The following UGP2 variants were observed in gnomAD, a reference collection of about 807,000 sequenced individuals.
The protein encoded by UGP2 is UDP-glucose pyrophosphorylase 2.
In UGP2, 40 loss-of-function variants were observed where a neutral mutation model predicts 49.0. The observed-to-expected ratio is 0.82, with a 90% CI of 0.63 to 1.06. UGP2 has a LOEUF of 1.06. UGP2 is among the 50% of genes least tolerant of loss of function. The pLI, the probability that UGP2 is intolerant of heterozygous loss-of-function variation, is 0.00. For missense variants in UGP2, 460 were observed against 603.5 expected (o/e 0.76, Z 2.49); for synonymous variants, 225 against 213.0 (o/e 1.06, Z -0.49).
At chr2:63,868,253 G>C (rs2104312446) in intron 3 of UGP2, among the ~76,000 whole-genome samples, 1 of 152,338 alleles carries the variant, frequency 6.6e-6, no homozygotes, top group South Asian at 2.1e-4. Context: ...AGTGGGCCAA[G>C]GAGGCTTTGC....
intron 1 of UGP2, among the ~76,000 whole-genome samples, chr2:63,848,956 A>G (rs1359274307): frequency 2.0e-5 from 3 of 152,216 alleles, no homozygotes; most frequent in African/African-American, 4.8e-5. Flanking sequence ...AACAAATGAA[A>G]TCGATTGTGC....
In UGP2 at chr2:63,884,101, G is replaced by T; in HGVS notation, c.575+8G>T. The T allele has an allele frequency of 1.2e-6, 2 of 1,611,136 alleles. No homozygotes were observed. The highest frequency in any genetic ancestry group is 2.2e-5 in the South Asian group (2 of 90,398). ...CACTTTCAATCAAAGCAGGTACAATGAGTAAAAAATTAACTCTGGGTATGT... is the reference window on the plus strand; with the variant it reads ...CACTTTCAATCAAAGCAGGTACAATTAGTAAAAAATTAACTCTGGGTATGT... On this transcript the variant is annotated splice_region_variant and intron_variant, in intron 5 of 9. Transcript: ENST00000337130.
chr2:63,871,855 A>G (rs1670576950), intron 3 of UGP2, among the ~76,000 whole-genome samples: 1 of 152,216 alleles, frequency 6.6e-6, no homozygotes, highest in Non-Finnish European at 1.5e-5. Flanking sequence ...TGGTTTGAAA[A>G]GGGAGAAATA....
rs543701678 is a variant in UGP2, at chr2:63,842,454, C to G, written c.19+250C>G. The G allele has an allele frequency of 8.4e-5, 130 of 1,546,400 alleles. 1 individual carries two copies. In the African/African-American group the frequency reaches 1.7e-3, roughly 20 times the overall value. ...TGAAATCAGGTTAGTAGTACCGTCG[C>G]TTTCCTGGATAGTGGCTGTAAGTGA... On this transcript the variant is annotated intron_variant, in intron 1 of 9. Transcript: ENST00000337130.
intron 1 of UGP2, chr2:63,855,370 T>C (rs781580812): frequency 1.5e-5 from 7 of 457,752 alleles, no homozygotes; most frequent in Non-Finnish European, 2.6e-5. Flanking sequence ...AATCAAATAC[T>C]AAGGATAGAA....
intron 1 of UGP2, among the ~76,000 whole-genome samples, chr2:63,855,246 G>C (rs1669311458): frequency 6.6e-6 from 1 of 152,160 alleles, no homozygotes; most frequent in East Asian, 1.9e-4. Context: ...AGGGGAAAGA[G>C]TTTTTAGCCT....
chr2:63,860,137 A>T (rs944314118), intron 3 of UGP2, among the ~76,000 whole-genome samples: 8 of 152,084 alleles, frequency 5.3e-5, no homozygotes, highest in Non-Finnish European at 8.8e-5. Context: ...GTCTTTTTTT[A>T]AAAAAAATGC....
rs1306500683 is a variant in UGP2, at chr2:63,891,401, A to ATACTT, written c.*176_*180dup. 26 of 434,720 alleles carry ATACTT rather than the reference A, an allele frequency of 6.0e-5. No homozygotes were observed. The highest frequency in any genetic ancestry group is 1.0e-4 in the Non-Finnish European group (25 of 250,588). 26.9% of individuals were successfully genotyped at this position (434,720 alleles called of 1,614,324 possible). ...GTCTAAGAAAAGCACAGATGGAGCA[A>ATACTT]TACTTTCCTTCTTTGAAGAGAATCC... On this transcript the variant is annotated 3_prime_UTR_variant, in exon 10 of 10. Transcript: ENST00000337130.
intron 5 of UGP2, among the ~76,000 whole-genome samples, chr2:63,884,993 C>CTTTTTTTTTTTTT (rs528966512): frequency 1.7e-4 from 4 of 23,152 alleles, no homozygotes; most frequent in Non-Finnish European, 2.3e-4. Flanking sequence ...CCCATGGTTA[C>CTTTTTTTTTTTTT]TTTTTTTTTT....
chr2:63,880,322 C>G (rs913725513), intron 3 of UGP2, among the ~76,000 whole-genome samples: 1 of 152,026 alleles, frequency 6.6e-6, no homozygotes, highest in Non-Finnish European at 1.5e-5. Flanking sequence ...TACAGGCATG[C>G]ACCACCATGC....
At chr2:63,844,354 A>C (rs575217866) in intron 1 of UGP2, among the ~76,000 whole-genome samples, 1 of 152,306 alleles carries the variant, frequency 6.6e-6, no homozygotes, top group African/African-American at 2.4e-5. Context: ...GCTGCAGAAA[A>C]TATTGATATT....
At chr2:63,865,585 C>T (rs2104305291) in intron 3 of UGP2, among the ~76,000 whole-genome samples, 1 of 144,560 alleles carries the variant, frequency 6.9e-6, no homozygotes, top group African/African-American at 2.6e-5. Context: ...GTTGCCCAGG[C>T]TGAAGTGCAG....
At chr2:63,886,641 G>T (rs1491003374) in intron 7 of UGP2, 103 bp downstream of exon 7, 1 of 1,327,220 alleles carries the variant, frequency 7.5e-7, no homozygotes, top group African/African-American at 1.5e-5. Flanking sequence ...TATTCCATTG[G>T]TCACTCCCTT....
rs1238457113 is a variant in UGP2 at position 63,884,019 on chromosome 2, G to A, written c.501G>A (p.Thr167=). Residue 167 remains threonine, a synonymous_variant, in exon 5 of 10, where the codon ACG becomes ACA. Coordinates refer to ENST00000337130, the MANE Select transcript of UGP2 (RefSeq NM_006759.4). ...TTGTTTTAATGAACTCTTTTAACAC[G>A]GATGAAGATACCAAAAAAATACTAC... is the stretch of plus-strand genomic sequence containing the variant. ...VPLVLMNSFN[T]DEDTKKILQK... 21 of 1,613,000 alleles carry A rather than the reference G, an allele frequency of 1.3e-5. No individual in the cohort carries two copies. The highest frequency in any genetic ancestry group is 1.6e-4 in the Middle Eastern group (1 of 6,078).
chr2:63,871,447 G>A (rs952387544), intron 3 of UGP2, among the ~76,000 whole-genome samples: 1 of 152,166 alleles, frequency 6.6e-6, no homozygotes, highest in Non-Finnish European at 1.5e-5. Context: ...CACCATGTCT[G>A]GCTAATTTTT....
chr2:63,878,170 A>G (rs983318091), intron 3 of UGP2, among the ~76,000 whole-genome samples: 3 of 152,116 alleles, frequency 2.0e-5, no homozygotes, highest in African/African-American at 4.8e-5. Flanking sequence ...CAAACAGCCT[A>G]TATAAAATGT....
chr2:63,890,193 G>C lies in UGP2; in HGVS notation c.1419+8G>C, dbSNP rs746547762. 6.3e-7 allele frequency: 1 copy of C among 1,577,424 alleles called. No individual in the cohort carries two copies. The highest frequency in any genetic ancestry group is 8.6e-7 in the Non-Finnish European group (1 of 1,156,272). ...AAAAATGTTTCATTAAAGGTATGTT[G>C]TTACAATGAAAATTATATTTCTTAC... On this transcript the variant is annotated splice_region_variant and intron_variant, in intron 9 of 9. Transcript: ENST00000337130.
chr2:63,856,794 A>G (rs1203525607), intron 2 of UGP2: 1 of 461,636 alleles, frequency 2.2e-6, no homozygotes. Flanking sequence ...CCAGAGAGTC[A>G]CTTCTGATAG....
intron 3 of UGP2, 63 bp from the exon 4 acceptor site, chr2:63,882,403 T>C: frequency 7.5e-7 from 1 of 1,333,968 alleles, no homozygotes. Flanking sequence ...ACCCTGGGAT[T>C]GATATGCTTT....
Sources: gnomAD v4.1 joint callset for allele counts (sites outside exome capture counted in the v4.1 genomes callset) on GRCh38, gnomAD v4.1.1 for gene constraint, MANE v1.5 for transcripts, NCBI Gene and HGNC (gene_info 2026-07-23, HGNC 2026-07-21) for gene names.